The following SPEF2 variants were observed in gnomAD, a reference collection of about 807,000 sequenced individuals.
SPEF2 encodes sperm flagellar and cilia associated 2, also known as sperm flagella and cilia-associated protein 2.
In SPEF2, 187 loss-of-function variants were observed where a neutral mutation model predicts 224.6. The ratio of observed to expected loss-of-function variants is 0.83; its 90% confidence interval spans 0.74 to 0.94. The LOEUF (loss-of-function observed/expected upper bound fraction) is 0.94. SPEF2 is among the 40% of genes least tolerant of loss of function. The pLI, the probability that SPEF2 is intolerant of heterozygous loss-of-function variation, is 0.00. For synonymous variants in SPEF2, 715 were observed against 707.3 expected (o/e 1.01, Z -0.17); for missense variants, 2,170 against 2,135.6 (o/e 1.02, Z -0.32).
chr5:35,684,508 G>A (rs1353584829), intron 10 of SPEF2, among the ~76,000 whole-genome samples: 2 of 152,150 alleles, frequency 1.3e-5, no homozygotes, highest in Non-Finnish European at 2.9e-5. Flanking sequence ...GGTCTATTCG[G>A]ATTTTTTGTG....
intron 2 of SPEF2, among the ~76,000 whole-genome samples, chr5:35,638,867 T>G (rs1400393713): frequency 6.6e-6 from 1 of 152,136 alleles, no homozygotes; most frequent in East Asian, 1.9e-4. Flanking sequence ...AAATGAGGGA[T>G]ATCAGGGAGT....
intron 20 of SPEF2, among the ~76,000 whole-genome samples, chr5:35,717,261 T>C (rs1196318319): frequency 6.6e-6 from 1 of 152,182 alleles, no homozygotes; most frequent in Non-Finnish European, 1.5e-5. Flanking sequence ...TCCCAGGGCA[T>C]TTTGGCTGCA....
chr5:35,770,030 CGTGT>C (rs143871804), intron 26 of SPEF2, among the ~76,000 whole-genome samples: 25 of 142,320 alleles, frequency 1.8e-4, no homozygotes, highest in African/African-American at 3.4e-4. Flanking sequence ...TGTGCATGTG[CGTGT>C]GTGTGTGTGT....
At chr5:35,618,384 G>T (rs1508650) in intron 1 of SPEF2, among the ~76,000 whole-genome samples, 21,847 of 152,084 alleles carry the variant, frequency 0.14, 2,205 homozygotes, top group East Asian at 0.45. Flanking sequence ...GGTTTAGGAA[G>T]GTCTCCTTTG....
intron 2 of SPEF2, among the ~76,000 whole-genome samples, chr5:35,638,250 C>T (rs1580070952): frequency 6.6e-6 from 1 of 152,028 alleles, no homozygotes; most frequent in Non-Finnish European, 1.5e-5. Context: ...CAACATGAAG[C>T]TAAAACTCTA....
intron 8 of SPEF2, among the ~76,000 whole-genome samples, chr5:35,661,825 A>G (rs1487636063): frequency 6.6e-6 from 1 of 152,106 alleles, no homozygotes; most frequent in Non-Finnish European, 1.5e-5. Context: ...CCAGTCTATC[A>G]TTGATTGGCA....
In SPEF2 at chr5:35,806,727, T is replaced by C. The variant is rs1389584702; in HGVS notation, c.5031T>C (p.Gly1677=). ...TGCAGACCTCCTCAACTGATGCAGG[T>C]CCAGCTGAGGAATTTCCTGAACCTG... ...SAEKTSSTDA[G]PAEEFPEPEE... The change falls in exon 35 of 37, where the codon GGT becomes GGC. Residue 1677 remains glycine, a synonymous_variant. Transcript: ENST00000356031. 6.2e-7 allele frequency: 1 copy of C among 1,613,684 alleles called. No individual in the cohort carries two copies. The highest frequency in any genetic ancestry group is 8.5e-7 in the Non-Finnish European group (1 of 1,179,890).
chr5:35,641,817 G>A, intron 3 of SPEF2, 134 bp downstream of exon 3: 1 of 910,568 alleles, frequency 1.1e-6, no homozygotes, highest in Non-Finnish European at 1.6e-6. Context: ...GCCATACTTG[G>A]GTTTTATTTT....
chr5:35,770,462 C>G (rs1416218093), intron 26 of SPEF2, among the ~76,000 whole-genome samples: 3 of 152,132 alleles, frequency 2.0e-5, no homozygotes, highest in African/African-American at 7.2e-5. Context: ...TTCCTCTTAT[C>G]TAACTGAAAC....
chr5:35,624,953 C>T (rs1171602371), intron 1 of SPEF2, among the ~76,000 whole-genome samples: 1 of 152,106 alleles, frequency 6.6e-6, no homozygotes, highest in African/African-American at 2.4e-5. Flanking sequence ...TTATTTTATA[C>T]GTTTTAGTGT....
intron 33 of SPEF2, among the ~76,000 whole-genome samples, chr5:35,796,442 T>G (rs962959793): frequency 5.8e-5 from 5 of 85,754 alleles, no homozygotes; most frequent in African/African-American, 2.2e-4. Context: ...AAACCCCGTC[T>G]CTACTAAAAA....
In SPEF2 at chr5:35,641,605, G is replaced by C; in HGVS notation, c.336G>C (p.Leu112=). The C allele has an allele frequency of 1.2e-6, 2 of 1,613,716 alleles. No individual in the cohort carries two copies. The highest frequency in any genetic ancestry group is 1.7e-6 in the Non-Finnish European group (2 of 1,179,772). ...TTCAGAAAAAGAAGAAAAGTGGACT[G>C]ACTGGAGTGGAGATGCAAACCATGC... ...IALQKKKKSG[L]TGVEMQTMQR... is the part of the protein sequence containing the mutation. The change falls in exon 3 of 37, where the codon CTG becomes CTC. Residue 112 remains leucine (L), a synonymous_variant. Coordinates refer to ENST00000356031, the MANE Select transcript of SPEF2 (RefSeq NM_024867.4).
At chr5:35,695,893 T>C (rs1468956892) in intron 14 of SPEF2, 97 bp downstream of exon 14, 12 of 821,624 alleles carry the variant, frequency 1.5e-5, no homozygotes, top group Non-Finnish European at 2.2e-5. Flanking sequence ...AATTGCAATG[T>C]GCTCTTCTTT....
intron 23 of SPEF2, among the ~76,000 whole-genome samples, chr5:35,753,197 G>A (rs946332056): frequency 2.0e-5 from 3 of 151,866 alleles, no homozygotes; most frequent in Admixed American, 1.3e-4. Context: ...TGTTCCACCT[G>A]TAGTATTAAT....
intron 10 of SPEF2, among the ~76,000 whole-genome samples, chr5:35,678,001 C>G (rs888699600): frequency 3.3e-5 from 5 of 152,242 alleles, no homozygotes; most frequent in Non-Finnish European, 5.9e-5. Context: ...GTGCCAGGCT[C>G]TCTCCAGCGT....
intron 30 of SPEF2, 57 bp downstream of exon 30, chr5:35,779,403 C>A: frequency 7.4e-7 from 1 of 1,348,706 alleles, no homozygotes; most frequent in Non-Finnish European, 1.0e-6. Flanking sequence ...TTAACCAGGA[C>A]AGAAATCACT....
chr5:35,758,624 G>T (rs1454744436), intron 24 of SPEF2, among the ~76,000 whole-genome samples: 3 of 152,070 alleles, frequency 2.0e-5, no homozygotes, highest in African/African-American at 7.2e-5. Context: ...AAGCAGAAGG[G>T]TTTAGCCGTG....
chr5:35,812,614 C>T (rs1377135724), intron 36 of SPEF2, among the ~76,000 whole-genome samples: 3 of 152,074 alleles, frequency 2.0e-5, no homozygotes, highest in African/African-American at 4.8e-5. Context: ...ACTTTAGTTT[C>T]TTGTGATGAA....
rs190281701 is a variant in SPEF2 at position 35,645,459 on chromosome 5, T to C, written c.585+934T>C. ...CCTCAGAGTTCAGAATTGAACGTTT[T>C]TGTAGCTTCAAGAAGAGTGGACTAA... On this transcript the variant is annotated intron_variant, in intron 4 of 36. Coordinates refer to ENST00000356031, the MANE Select transcript of SPEF2 (RefSeq NM_024867.4). 1.5e-3 allele frequency among the ~76,000 whole-genome samples: 225 copies of C among 152,282 alleles called. 1 individual carries two copies. Among genetic ancestry groups the C allele is most frequent in the African/African-American group, 5.2e-3 (215 of 41,570 alleles).
Sources: allele counts gnomAD v4.1 joint callset (sites outside exome capture counted in the v4.1 genomes callset), GRCh38; gene constraint gnomAD v4.1.1; transcripts MANE v1.5; gene names NCBI Gene and HGNC (gene_info 2026-07-23, HGNC 2026-07-21).